SYT17: variants seen among roughly 807,000 people sequenced by gnomAD.
The protein encoded by SYT17 is synaptotagmin-17.
SYT17 carries 22 observed loss-of-function variants against 46.7 expected under a neutral mutation model. The ratio of observed to expected loss-of-function variants is 0.47; its 90% CI spans 0.34 to 0.67. The LOEUF (loss-of-function observed/expected upper bound fraction) is 0.67, where lower values mean the gene tolerates loss of function less well. Ranked by LOEUF, SYT17 falls within the 30% of genes least tolerant of loss-of-function variation. The pLI is 0.01. For missense variants in SYT17, 519 were observed against 612.8 expected (o/e 0.85, Z 1.62); for synonymous variants, 251 against 248.4 (o/e 1.01, Z -0.10).
intron 7 of SYT17, among the ~76,000 whole-genome samples, chr16:19,231,568 A>T (rs2352983): frequency 2.1e-5 from 3 of 141,944 alleles, no homozygotes; most frequent in African/African-American, 2.6e-5. Context: ...AAAAAGTCTT[A>T]TTCCCTTGGC....
rs140912716 is a variant in SYT17 at position 19,232,782 on chromosome 16, A to C, written c.1228+7944A>C. On this transcript the variant is annotated intron_variant, in intron 7 of 7. Transcript: ENST00000355377. ...GGGAGGTGGAGGTTGCAGTGACCCG[A>C]GATCACGGCACTGCACTCCAGTCTA... Among the ~76,000 whole-genome samples the C allele has an allele frequency of 9.2e-3, 1,407 of 152,184 alleles. 24 individuals are homozygous for C. Among genetic ancestry groups the C allele is most frequent in the African/African-American group, 0.032 (1,343 of 41,494 alleles).
At chr16:19,181,955 C>A in intron 4 of SYT17, among the ~76,000 whole-genome samples, 1 of 143,310 alleles carries the variant, frequency 7.0e-6, no homozygotes, top group Admixed American at 7.1e-5. Flanking sequence ...GCCGAGATTG[C>A]ACCACTACAC....
At chr16:19,262,150 C>A (rs535931082) in intron 7 of SYT17, among the ~76,000 whole-genome samples, 2 of 152,328 alleles carry the variant, frequency 1.3e-5, no homozygotes, top group South Asian at 4.1e-4. Context: ...AAAAAGCATA[C>A]AGACCAAAAT....
Position 19,183,422 on chromosome 16 carries a change from G to A in SYT17, c.332-106G>A. 6.9e-7 allele frequency: 1 copy of A among 1,452,452 alleles called. No individual in the cohort carries two copies. The highest frequency in any genetic ancestry group is 2.2e-4 in the Middle Eastern group (1 of 4,632). The allele number at this position is 1,452,452 out of a possible 1,614,324, so 90.0% of individuals were successfully genotyped here. The stretch of plus-strand genomic sequence containing the variant: ...CAGAGTGTGGAGAAAGATGGCAAAG[G>A]TCATTCTGAAGCAGAGTAAACAATG... On this transcript the variant is annotated intron_variant, in intron 4 of 7. Transcript: ENST00000355377. This position sits in a 1 kb window ranked among gnomAD's most constrained non-coding sequence, Gnocchi z 5.6.
At chr16:19,245,080 G>A (rs1967438560) in intron 7 of SYT17, among the ~76,000 whole-genome samples, 1 of 152,084 alleles carries the variant, frequency 6.6e-6, no homozygotes, top group Non-Finnish European at 1.5e-5. Context: ...TTATGGTCAG[G>A]GTCAACAGTG....
intron 5 of SYT17, among the ~76,000 whole-genome samples, chr16:19,192,697 G>A (rs1170557033): frequency 6.6e-6 from 1 of 152,192 alleles, no homozygotes; most frequent in African/African-American, 2.4e-5. Context: ...GTAAGGTGGC[G>A]GTGACAAAGG....
intron 7 of SYT17, chr16:19,250,088 G>A: frequency 1.3e-6 from 2 of 1,507,052 alleles, no homozygotes; most frequent in South Asian, 1.3e-5. Flanking sequence ...AGTTGGTTGT[G>A]TGTCTGGTTG....
At chr16:19,173,625 T>C (rs778624858) in intron 3 of SYT17, 47 bp downstream of exon 3, 4 of 1,596,668 alleles carry the variant, frequency 2.5e-6, no homozygotes, top group Non-Finnish European at 3.4e-6. Context: ...TTCAAGACTT[T>C]TCCTTTTTAA....
At chr16:19,205,852 G>A (rs1965650249) in intron 5 of SYT17, among the ~76,000 whole-genome samples, 1 of 152,036 alleles carries the variant, frequency 6.6e-6, no homozygotes, top group Non-Finnish European at 1.5e-5. Flanking sequence ...TTTCTTCCTA[G>A]CACTTAACTG....
At chr16:19,195,988 A>C (rs567727051) in intron 5 of SYT17, among the ~76,000 whole-genome samples, 1 of 152,200 alleles carries the variant, frequency 6.6e-6, no homozygotes, top group African/African-American at 2.4e-5. Flanking sequence ...CTGTCTCAAA[A>C]GAAAAAACCC....
intron 3 of SYT17, among the ~76,000 whole-genome samples, chr16:19,178,087 CCTT>C (rs1025442861): frequency 3.4e-4 from 51 of 150,830 alleles, no homozygotes; most frequent in African/African-American, 1.2e-3. Flanking sequence ...AAGTGATTCT[CCTT>C]TTTTTTTTTT....
intron 7 of SYT17, among the ~76,000 whole-genome samples, chr16:19,238,433 C>T (rs1966879151): frequency 6.6e-6 from 1 of 152,186 alleles, no homozygotes; most frequent in Non-Finnish European, 1.5e-5. Context: ...GACCTGTTAC[C>T]CTGGGGTTCT....
intron 7 of SYT17, among the ~76,000 whole-genome samples, chr16:19,255,981 T>A (rs1968531320): frequency 6.6e-6 from 1 of 152,170 alleles, no homozygotes; most frequent in Non-Finnish European, 1.5e-5. Context: ...AGCCCAAGCC[T>A]ATTTCCAGGA....
At chr16:19,265,468 T>C (rs1297533582) in intron 7 of SYT17, among the ~76,000 whole-genome samples, 1 of 152,246 alleles carries the variant, frequency 6.6e-6, no homozygotes, top group Non-Finnish European at 1.5e-5. Context: ...TTTTTATTTT[T>C]CCATTTTTCT....
At chr16:19,238,724 A>T (rs1056666836) in intron 7 of SYT17, among the ~76,000 whole-genome samples, 4 of 152,018 alleles carry the variant, frequency 2.6e-5, no homozygotes, top group African/African-American at 7.3e-5. Flanking sequence ...ATCCAACCAC[A>T]TATGTGCCTG....
chr16:19,227,400 C>G (rs1421373831), intron 7 of SYT17, among the ~76,000 whole-genome samples: 2 of 150,602 alleles, frequency 1.3e-5, no homozygotes, highest in African/African-American at 2.5e-5. Flanking sequence ...ACTGCAAGCT[C>G]TACCTCCCAG....
chr16:19,257,836 C>T (rs981109767), intron 7 of SYT17, among the ~76,000 whole-genome samples: 1 of 152,134 alleles, frequency 6.6e-6, no homozygotes, highest in African/African-American at 2.4e-5. Flanking sequence ...TGCTGTCAGA[C>T]TCAGAGTTGC....
chr16:19,173,823 C>T (rs1444264710), intron 3 of SYT17, among the ~76,000 whole-genome samples: 3 of 152,074 alleles, frequency 2.0e-5, no homozygotes, highest in Non-Finnish European at 4.4e-5. Context: ...CACATCGGGC[C>T]TTCTGAGATA....
chr16:19,248,511 G>C (rs1173832697), intron 7 of SYT17, among the ~76,000 whole-genome samples: 2 of 152,206 alleles, frequency 1.3e-5, no homozygotes, highest in East Asian at 3.8e-4. Flanking sequence ...AACAAATTGT[G>C]AGACATTCAT....
Sources: allele counts gnomAD v4.1 joint callset (sites outside exome capture counted in the v4.1 genomes callset), GRCh38; gene constraint gnomAD v4.1.1; non-coding constraint Gnocchi (gnomAD v3.1); transcripts MANE v1.5; gene names NCBI Gene and HGNC (gene_info 2026-07-23, HGNC 2026-07-21).